FYTTD1: variants seen among roughly 807,000 people sequenced by gnomAD.
The protein encoded by FYTTD1 is UAP56-interacting factor.
In FYTTD1, 22 loss-of-function variants were observed where a neutral mutation model predicts 40.9. The ratio of observed to expected loss-of-function variants is 0.54; its 90% CI spans 0.38 to 0.77. The LOEUF (loss-of-function observed/expected upper bound fraction) is 0.77, where lower values mean the gene tolerates loss of function less well. Ranked by LOEUF, FYTTD1 falls within the 30% of genes least tolerant of loss-of-function variation. FYTTD1 has a pLI of 0.00. For synonymous variants in FYTTD1, 140 were observed against 137.9 expected, an observed-to-expected ratio of 1.01 and a Z score of -0.10; for missense variants, 351 against 392.2, an observed-to-expected ratio of 0.90 and a Z score of 0.89.
chr3:197,776,380 ATTTGTTTT>A (rs1210594126), intron 6 of FYTTD1, among the ~76,000 whole-genome samples: 2 of 117,536 alleles, frequency 1.7e-5, no homozygotes, highest in African/African-American at 3.0e-5. Context: ...CCCAGCTTAA[ATTTGTTTT>A]TTTTTTTTTT....
rs745772255 is a variant in FYTTD1 at position 197,756,477 on chromosome 3, G to A, written c.155G>A (p.Arg52Lys). 1 of 1,611,308 alleles carries A rather than the reference G, an allele frequency of 6.2e-7. No individual in the cohort carries two copies. Among genetic ancestry groups the A allele is most frequent in the Non-Finnish European group, 8.5e-7 (1 of 1,177,450 alleles). The change falls in exon 2 of 9, where the codon AGA (arginine) becomes AAA (lysine). Residue 52 changes from arginine (R) to lysine (K), a missense_variant. Coordinates refer to ENST00000241502, the MANE Select transcript of FYTTD1 (RefSeq NM_032288.7). ...GAAGGGAAGAAGCAGAATTTTCCAA[G>A]ACTAAATAGAAGACTCCTCCAGCAA... ...RKEGKKQNFP[R>K]LNRRLLQQSG...
At chr3:197,770,670 C>G (rs1275581894) in intron 4 of FYTTD1, among the ~76,000 whole-genome samples, 1 of 152,074 alleles carries the variant, frequency 6.6e-6, no homozygotes, top group Non-Finnish European at 1.5e-5. Flanking sequence ...ACATCAGCCT[C>G]CTGAGTAGCT....
chr3:197,773,723 A>C (rs1486833607), intron 5 of FYTTD1, among the ~76,000 whole-genome samples: 1 of 152,258 alleles, frequency 6.6e-6, no homozygotes, highest in African/African-American at 2.4e-5. Context: ...ATTTGGGAAT[A>C]AACCTGTATT....
At position 197,773,464 on chromosome 3, in the gene FYTTD1, C is replaced by T. The variant is rs758538269; in HGVS notation, c.559C>T (p.Arg187Cys). 6 of 1,600,150 alleles carry T rather than the reference C, an allele frequency of 3.7e-6. No homozygotes were observed. The highest frequency in any genetic ancestry group is 2.2e-5 in the South Asian group (2 of 89,544). ...GNKLNHQKDT[R>C]QATFLFRRGL... ...TAAATTAAATCATCAGAAAGATACTCGTCAGGCAACTTTTCTTTTCAGAAG... is the reference window on the plus strand; with the variant it reads ...TAAATTAAATCATCAGAAAGATACTTGTCAGGCAACTTTTCTTTTCAGAAG... The change falls in exon 5 of 9, where the codon CGT becomes TGT. Residue 187 changes from arginine (R) to cysteine (C), a missense_variant. Coordinates refer to ENST00000241502, the MANE Select transcript of FYTTD1 (RefSeq NM_032288.7).
Position 197,750,716 on chromosome 3 carries a change from G to T in FYTTD1, c.103+642G>T, listed in dbSNP as rs368287719. On this transcript the variant is annotated intron_variant, in intron 1 of 8. Coordinates refer to ENST00000241502, the MANE Select transcript of FYTTD1 (RefSeq NM_032288.7). ...GGGATGTGGTTGTGTATTGAGCGCT[G>T]CCTAGAAAAGCACAGTCTCCCTCTC... 8 of 985,382 alleles carry T rather than the reference G, an allele frequency of 8.1e-6. No homozygotes were observed. In the East Asian group the frequency reaches 3.4e-4, roughly 42 times the overall value. The allele number at this position is 985,382 out of a possible 1,614,324, so 61.0% of individuals were successfully genotyped here. A position where few individuals can be genotyped will look rare whatever the true frequency, so the allele number is the denominator to read the frequency against.
intron 2 of FYTTD1, among the ~76,000 whole-genome samples, chr3:197,764,822 C>T (rs971555489): frequency 2.0e-5 from 3 of 149,122 alleles, no homozygotes; most frequent in Middle Eastern, 3.5e-3. Context: ...AAATAGAAAG[C>T]GCCAAGGGAT....
chr3:197,768,008 A>G (rs1729601475), intron 2 of FYTTD1, among the ~76,000 whole-genome samples: 1 of 152,248 alleles, frequency 6.6e-6, no homozygotes, highest in Non-Finnish European at 1.5e-5. Context: ...ACTTAGCCCA[A>G]TATCTTTAAA....
chr3:197,777,119 T>C (rs1475811411), intron 7 of FYTTD1, 118 bp downstream of exon 7: 3 of 651,600 alleles, frequency 4.6e-6, no homozygotes, highest in African/African-American at 1.8e-5. Context: ...AGGAAGACAG[T>C]AATACCTGTG....
chr3:197,778,148 A>G lies in FYTTD1; in HGVS notation c.732-190A>G, dbSNP rs116550567. Among the ~76,000 whole-genome samples the G allele has an allele frequency of 3.4e-3, 513 of 152,360 alleles. 3 individuals are homozygous for G. Among genetic ancestry groups the G allele is most frequent in the African/African-American group, 0.012 (489 of 41,590 alleles). On this transcript the variant is annotated intron_variant, in intron 7 of 8. Transcript: ENST00000241502. ...AACTTGTTGAAAAGTTTGTAGTTCT[A>G]TTTAAAGAGATATTCTCTGAACAAT...
At chr3:197,755,103 T>C (rs1729171961) in intron 1 of FYTTD1, among the ~76,000 whole-genome samples, 1 of 152,214 alleles carries the variant, frequency 6.6e-6, no homozygotes, top group Non-Finnish European at 1.5e-5. Flanking sequence ...AGTTTGGAAG[T>C]ATGTTTGGAA....
intron 4 of FYTTD1, 39 bp from the exon 5 acceptor site, chr3:197,773,364 G>T (rs1463799893): frequency 1.6e-6 from 2 of 1,266,224 alleles, no homozygotes; most frequent in Non-Finnish European, 2.3e-6. Flanking sequence ...TTTGAAAGTA[G>T]TTAAATGGCT....
intron 2 of FYTTD1, among the ~76,000 whole-genome samples, chr3:197,766,096 G>C (rs991980490): frequency 5.9e-5 from 9 of 151,534 alleles, no homozygotes; most frequent in Admixed American, 2.6e-4. Flanking sequence ...CCAGGAGGTG[G>C]AGGTTGCAGT....
chr3:197,749,782 G>C (rs1728930625), upstream of FYTTD1: 7 of 541,054 alleles, frequency 1.3e-5, no homozygotes, highest in South Asian at 8.2e-5. Context: ...AGCGAGTCAC[G>C]GCGCGGGGCC....
chr3:197,764,860 T>TG (rs575322156), intron 2 of FYTTD1, among the ~76,000 whole-genome samples: 2,747 of 149,036 alleles, frequency 0.018, 32 homozygotes, highest in Middle Eastern at 0.038. Context: ...TTTTTTTTTT[T>TG]GGGGGGGGAG....
Position 197,756,497 on chromosome 3 carries a change from C to G in FYTTD1, c.175C>G (p.Gln59Glu), listed in dbSNP as rs1212752893. ...TCCAAGACTAAATAGAAGACTCCTCCAGCAAAGTGGTGCCCAGCAATTCAG... is the reference window on the plus strand; with the variant it reads ...TCCAAGACTAAATAGAAGACTCCTCGAGCAAAGTGGTGCCCAGCAATTCAG... ...NFPRLNRRLL[Q>E]QSGAQQFRMR... Residue 59 changes from glutamine (Q) to glutamate (E), a missense_variant, in exon 2 of 9, where the codon CAG (glutamine) becomes GAG (glutamate). Gln to Glu is a conservative substitution (Grantham distance 29). Transcript: ENST00000241502. The G allele has an allele frequency of 1.2e-6, 2 of 1,612,802 alleles. No homozygotes were observed. Among genetic ancestry groups the G allele is most frequent in the Non-Finnish European group, 1.7e-6 (2 of 1,178,792 alleles).
chr3:197,757,420 T>C (rs1236549984), intron 2 of FYTTD1, among the ~76,000 whole-genome samples: 1 of 152,198 alleles, frequency 6.6e-6, no homozygotes, highest in East Asian at 1.9e-4. Flanking sequence ...TTGAAAAACA[T>C]AAAAATAATC....
At chr3:197,773,343 T>C (rs2109050649) in intron 4 of FYTTD1, 60 bp from the exon 5 acceptor site, 1 of 1,005,908 alleles carries the variant, frequency 9.9e-7, no homozygotes, top group Non-Finnish European at 1.5e-6. Context: ...TGCTTATTTT[T>C]CCTCAAGATG....
At chr3:197,756,598 G>A in intron 2 of FYTTD1, 41 bp downstream of exon 2, 1 of 1,570,122 alleles carries the variant, frequency 6.4e-7, no homozygotes, top group Non-Finnish European at 8.8e-7. Flanking sequence ...GCTGTTATTT[G>A]TGTGTTCATA....
At chr3:197,761,463 G>A (rs560635486) in intron 2 of FYTTD1, among the ~76,000 whole-genome samples, 8 of 151,138 alleles carry the variant, frequency 5.3e-5, no homozygotes, top group Admixed American at 4.6e-4. Context: ...TTCTTCAGTG[G>A]TAGAATGTAT....
Sources: gnomAD v4.1 joint callset for allele counts (sites outside exome capture counted in the v4.1 genomes callset) on GRCh38, gnomAD v4.1.1 for gene constraint, MANE v1.5 for transcripts, NCBI Gene and HGNC (gene_info 2026-07-23, HGNC 2026-07-21) for gene names.